Variants in NELL2 observed in about 807,000 individuals in gnomAD.
NELL2 encodes neural EGFL like 2.
A neutral mutation model predicts 109.6 loss-of-function variants in NELL2; 41 were observed. The observed-to-expected ratio is 0.37, with a 90% CI of 0.29 to 0.49. NELL2 has a LOEUF of 0.49. Ranked by LOEUF, NELL2 falls within the 20% of genes least tolerant of loss-of-function variation. The pLI, the probability that NELL2 is intolerant of heterozygous loss-of-function variation, is 0.98. For synonymous variants in NELL2, 355 were observed against 344.7 expected (o/e 1.03, Z -0.33); for missense variants, 900 against 1,008.3 (o/e 0.89, Z 1.45).
intron 3 of NELL2, among the ~76,000 whole-genome samples, chr12:44,811,361 T>TAAAAAAAAAAAAAAAAAAAAAAAAA (rs1943173673): frequency 9.9e-6 from 1 of 101,078 alleles, no homozygotes; most frequent in Non-Finnish European, 2.0e-5. Flanking sequence ...AAAAAAAAAT[T>TAAAAAAAAAAAAAAAAAAAAAAAAA]AAAGACATTA....
intron 12 of NELL2, among the ~76,000 whole-genome samples, chr12:44,667,143 C>T (rs971525706): frequency 2.0e-5 from 3 of 152,048 alleles, no homozygotes; most frequent in Non-Finnish European, 4.4e-5. Context: ...TTTCTTTCTC[C>T]CAAACAAATC....
intron 16 of NELL2, among the ~76,000 whole-genome samples, chr12:44,530,575 T>C (rs1942002407): frequency 6.6e-6 from 1 of 152,090 alleles, no homozygotes. Flanking sequence ...CTAACAAATA[T>C]AAAGTGTGAG....
chr12:44,693,109 C>T (rs533109402), intron 12 of NELL2, among the ~76,000 whole-genome samples: 10 of 152,242 alleles, frequency 6.6e-5, no homozygotes, highest in South Asian at 4.2e-4. Context: ...CAAATTTCAT[C>T]GTTATCTTAT....
At chr12:44,611,643 G>A (rs1945628814) in intron 13 of NELL2, among the ~76,000 whole-genome samples, 1 of 152,074 alleles carries the variant, frequency 6.6e-6, no homozygotes, top group South Asian at 2.1e-4. Flanking sequence ...ACTCTGGAAA[G>A]CATTGAATTA....
chr12:44,563,720 A>C (rs1321749359), intron 15 of NELL2, among the ~76,000 whole-genome samples: 1 of 152,212 alleles, frequency 6.6e-6, no homozygotes, highest in Non-Finnish European at 1.5e-5. Flanking sequence ...ATTAATTCTC[A>C]TTGAAAATAC....
chr12:44,705,870 A>G (rs1251150414), intron 11 of NELL2, among the ~76,000 whole-genome samples: 2 of 152,190 alleles, frequency 1.3e-5, no homozygotes, highest in African/African-American at 4.8e-5. Context: ...AAGAACGGAT[A>G]CCATTTCTGA....
chr12:44,701,319 C>A (rs1218378042), intron 12 of NELL2, among the ~76,000 whole-genome samples: 3 of 151,946 alleles, frequency 2.0e-5, no homozygotes, highest in Admixed American at 6.6e-5. Flanking sequence ...ATTTTTCCAT[C>A]ACTTTCTTAT....
chr12:44,921,739 TG>T, intron 1 of NELL2: 1 of 152,276 alleles, frequency 6.6e-6, no homozygotes, highest in East Asian at 1.9e-4. Flanking sequence ...ACAATATTAG[TG>T]ACCCTCCCAC....
intron 2 of NELL2, among the ~76,000 whole-genome samples, chr12:44,844,325 G>A (rs1944310411): frequency 6.6e-6 from 1 of 152,048 alleles, no homozygotes; most frequent in Non-Finnish European, 1.5e-5. Flanking sequence ...AACAAGTTGG[G>A]ATATATTTAT....
intron 3 of NELL2, among the ~76,000 whole-genome samples, chr12:44,785,375 G>C (rs534215822): frequency 6.6e-6 from 1 of 151,936 alleles, no homozygotes; most frequent in Non-Finnish European, 1.5e-5. Flanking sequence ...CTGGAAATAA[G>C]AGAGGACACA....
intron 13 of NELL2, among the ~76,000 whole-genome samples, chr12:44,656,817 T>C (rs575083379): frequency 5.9e-5 from 9 of 152,356 alleles, no homozygotes; most frequent in South Asian, 2.1e-4. Flanking sequence ...TCTGTACTTG[T>C]GATTTTGATA....
chr12:44,681,605 C>T (rs1244622431), intron 12 of NELL2, among the ~76,000 whole-genome samples: 1 of 151,392 alleles, frequency 6.6e-6, no homozygotes, highest in Non-Finnish European at 1.5e-5. Context: ...CTGTGATGTT[C>T]CCCTCCCTGT....
chr12:44,747,520 C>T (rs1940440081), intron 9 of NELL2, among the ~76,000 whole-genome samples: 1 of 151,912 alleles, frequency 6.6e-6, no homozygotes, highest in South Asian at 2.1e-4. Flanking sequence ...TGTTACTCAA[C>T]TATTTACATT....
chr12:44,734,048 G>A (rs185575052), intron 9 of NELL2, among the ~76,000 whole-genome samples: 265 of 151,982 alleles, frequency 1.7e-3, no homozygotes, highest in Admixed American at 2.7e-3. Flanking sequence ...CAAGTGCTCC[G>A]TTTGCCTAAT....
intron 2 of NELL2, among the ~76,000 whole-genome samples, chr12:44,819,033 C>G (rs1294215684): frequency 6.6e-6 from 1 of 152,080 alleles, no homozygotes; most frequent in African/African-American, 2.4e-5. Context: ...TGAGCCACCG[C>G]GCCCGGCCAG....
chr12:44,758,474 C>T (rs550684731), intron 9 of NELL2, among the ~76,000 whole-genome samples: 21 of 152,238 alleles, frequency 1.4e-4, no homozygotes, highest in South Asian at 2.1e-4. Context: ...GCAGAAGATG[C>T]GCAAGCACAA....
intron 2 of NELL2, among the ~76,000 whole-genome samples, chr12:44,845,709 G>A (rs768585774): frequency 2.0e-4 from 31 of 152,188 alleles, no homozygotes; most frequent in Admixed American, 3.9e-4. Flanking sequence ...GGAACTTTGT[G>A]AACCAGAGAT....
intron 13 of NELL2, among the ~76,000 whole-genome samples, chr12:44,648,731 A>ATAT (rs1438490674): frequency 5.6e-4 from 50 of 89,702 alleles, no homozygotes; most frequent in Non-Finnish European, 8.7e-4. Context: ...ATATATATAT[A>ATAT]TTTTTTTTTT....
chr12:44,669,452 A>G (rs1948060734), intron 12 of NELL2, among the ~76,000 whole-genome samples: 1 of 152,194 alleles, frequency 6.6e-6, no homozygotes, highest in Non-Finnish European at 1.5e-5. Flanking sequence ...ACATTAGAGA[A>G]ACTCAGTGAA....
Sources: allele counts gnomAD v4.1 joint callset (sites outside exome capture counted in the v4.1 genomes callset), GRCh38; gene constraint gnomAD v4.1.1; transcripts MANE v1.5; gene names NCBI Gene and HGNC (gene_info 2026-07-23, HGNC 2026-07-21).